PKD1L1: variants seen among roughly 807,000 people sequenced by gnomAD.
PKD1L1 encodes polycystin-1-like protein 1.
A neutral mutation model predicts 323.4 loss-of-function variants in PKD1L1; 236 were observed. The observed-to-expected ratio is 0.73, with a 90% CI of 0.66 to 0.81. The LOEUF (loss-of-function observed/expected upper bound fraction) is 0.81, where lower values mean the gene tolerates loss of function less well. Ranked by LOEUF, PKD1L1 falls within the 40% of genes least tolerant of loss-of-function variation. PKD1L1 has a pLI of 0.00. For synonymous variants in PKD1L1, 1,344 were observed against 1,335.0 expected (o/e 1.01, Z -0.15); for missense variants, 3,320 against 3,508.0 (o/e 0.95, Z 1.35).
chr7:47,943,341 G>A (rs970936336), intron 2 of PKD1L1, 55 bp downstream of exon 2: 1 of 1,395,382 alleles, frequency 7.2e-7, no homozygotes, highest in Non-Finnish European at 1.0e-6. Flanking sequence ...TTATACCAGG[G>A]AAATAAAGCA....
At chr7:47,902,321 C>T in intron 13 of PKD1L1, 58 bp downstream of exon 13, 3 of 1,594,054 alleles carry the variant, frequency 1.9e-6, no homozygotes, top group Non-Finnish European at 2.6e-6. Flanking sequence ...ACAGTGGTCC[C>T]AACTCAGAGG....
intron 45 of PKD1L1, among the ~76,000 whole-genome samples, chr7:47,825,394 G>C (rs544441195): frequency 6.6e-6 from 1 of 152,124 alleles, no homozygotes; most frequent in East Asian, 1.9e-4. Flanking sequence ...AGCCGGGCAT[G>C]GTGGCACATG....
At chr7:47,948,349 ACT>A in intron 1 of PKD1L1, 46 bp downstream of exon 1, 4 of 1,606,752 alleles carry the variant, frequency 2.5e-6, no homozygotes, top group Non-Finnish European at 3.4e-6. Context: ...CTGAATGCAT[ACT>A]TTAAAATCAA....
At position 47,846,868 on chromosome 7, in the gene PKD1L1, T is replaced by C. The variant is rs377648811; in HGVS notation, c.5153+11A>G. 10 of 1,587,132 alleles carry C rather than the reference T, an allele frequency of 6.3e-6. No homozygotes were observed. In the African/African-American group the frequency reaches 1.2e-4, roughly 19 times the overall value. On this transcript the variant is annotated intron_variant, in intron 32 of 56. Coordinates refer to ENST00000289672, the MANE Select transcript of PKD1L1 (RefSeq NM_138295.5). The stretch of plus-strand genomic sequence containing the variant: ...TAAAAATCTCAGATTCTTTCTCAAA[T>C]GTGTCTATACCTGCAGTTCACTTTT...
intron 19 of PKD1L1, among the ~76,000 whole-genome samples, chr7:47,882,305 C>T (rs1378496017): frequency 4.9e-5 from 7 of 143,130 alleles, no homozygotes; most frequent in South Asian, 4.5e-4. Context: ...TCCCTCCCTC[C>T]CTTCCTATCT....
chr7:47,836,826 C>T lies in PKD1L1; in HGVS notation c.5943+95G>A, dbSNP rs1489977295. The T allele has an allele frequency of 6.4e-6, 9 of 1,411,098 alleles. No homozygotes were observed. In the Admixed American group the frequency reaches 6.9e-5, roughly 11 times the overall value. The allele number at this position is 1,411,098 out of a possible 1,614,324, so 87.4% of individuals were successfully genotyped here. The stretch of plus-strand genomic sequence containing the variant: ...TGCTTCCCCTGGTTTAAACTTTTCT[C>T]GGAGAACTGTGAGCTTTGTTGATTT... On this transcript the variant is annotated intron_variant, in intron 37 of 56. Transcript: ENST00000289672.
At chr7:47,821,416 G>A (rs961916160) in intron 45 of PKD1L1, among the ~76,000 whole-genome samples, 1 of 151,114 alleles carries the variant, frequency 6.6e-6, no homozygotes, top group Non-Finnish European at 1.5e-5. Context: ...CTACAGGCAC[G>A]TGCCACCACG....
rs4724657 is a variant in PKD1L1, at chr7:47,876,319, A to G, written c.3664-102T>C. ...GCTGAGCCTTCATTGTACCAAGGACATTCTTTACAGCCAGGAAGAGGGTAA... is the reference window on the plus strand; with the variant it reads ...GCTGAGCCTTCATTGTACCAAGGACGTTCTTTACAGCCAGGAAGAGGGTAA... On this transcript the variant is annotated intron_variant, in intron 22 of 56. Transcript: ENST00000289672. 396,073 of 1,340,696 alleles carry G rather than the reference A, an allele frequency of 0.3. 63,034 individuals carry two copies. Among genetic ancestry groups the G allele is most frequent in the African/African-American group, 0.57 (39,345 of 68,818 alleles). 83.0% of individuals were successfully genotyped at this position (1,340,696 alleles called of 1,614,324 possible). A position where few individuals can be genotyped will look rare whatever the true frequency, so the allele number is the denominator to read the frequency against.
intron 26 of PKD1L1, among the ~76,000 whole-genome samples, chr7:47,861,621 G>A (rs1296774848): frequency 2.0e-5 from 3 of 152,048 alleles, no homozygotes; most frequent in Non-Finnish European, 2.9e-5. Flanking sequence ...GGTGGCTCAC[G>A]CCTGTAATCC....
rs1408020670 is a variant in PKD1L1 at position 47,887,987 on chromosome 7, T to C, written c.2836+3A>G. 6.2e-7 allele frequency: 1 copy of C among 1,603,644 alleles called. No homozygotes were observed. The highest frequency in any genetic ancestry group is 1.7e-5 in the Admixed American group (1 of 57,482). On this transcript the variant is annotated splice_donor_region_variant and intron_variant, in intron 17 of 56. Transcript: ENST00000289672. ...ACAAAATAAAGCTATTAATCCTTTT[T>C]ACCTTCTATCCTATTCTTTTCTGTT...
intron 7 of PKD1L1, among the ~76,000 whole-genome samples, chr7:47,924,610 C>A (rs186949989): frequency 1.0e-3 from 156 of 152,306 alleles, no homozygotes; most frequent in African/African-American, 3.7e-3. Context: ...ATAATTTTAA[C>A]CTTGCCTTAT....
At chr7:47,828,203 C>A (rs765994077) in intron 44 of PKD1L1, among the ~76,000 whole-genome samples, 66 of 152,064 alleles carry the variant, frequency 4.3e-4, no homozygotes, top group Non-Finnish European at 7.8e-4. Flanking sequence ...TAGGGGGGCA[C>A]CCCAACTCTA....
In PKD1L1 at chr7:47,839,596, T is replaced by C. The variant is rs1359074294; in HGVS notation, c.5619A>G (p.Pro1873=). Residue 1873 remains proline, a synonymous_variant, in exon 36 of 57, where the codon CCA becomes CCG. Coordinates refer to ENST00000289672, the MANE Select transcript of PKD1L1 (RefSeq NM_138295.5). This position sits in a 1 kb window ranked among gnomAD's most constrained non-coding sequence, Gnocchi z 4.3. The part of the protein sequence containing the change: ...RLWHDSRGPS[P]GWFISHVMVK... The stretch of plus-strand genomic sequence containing the variant: ...CCATCACGTGGCTGATGAACCAGCC[T>C]GGGGAAGGCCCACGGCTGTCGTGCC... 1.3e-6 allele frequency: 2 copies of C among 1,599,036 alleles called. No individual in the cohort carries two copies.
intron 52 of PKD1L1, among the ~76,000 whole-genome samples, chr7:47,804,949 G>T (rs1163052503): frequency 2.0e-5 from 3 of 152,178 alleles, no homozygotes; most frequent in African/African-American, 7.2e-5. Flanking sequence ...GAGTGGAAGG[G>T]CCGCTTTCTT....
chr7:47,957,862 A>AAAATATATATATATATATATATATATAT, the PKD1L1 span, among the ~76,000 whole-genome samples: 1 of 134,698 alleles, frequency 7.4e-6, no homozygotes, highest in South Asian at 2.3e-4. Flanking sequence ...ATTAAAAAAA[A>AAAATATATATATATATATATATATATAT]ATATATATAT....
intron 56 of PKD1L1, among the ~76,000 whole-genome samples, chr7:47,776,619 A>C (rs1043427693): frequency 6.6e-6 from 1 of 152,214 alleles, no homozygotes; most frequent in Non-Finnish European, 1.5e-5. Flanking sequence ...TATTTGGTAA[A>C]TATTATAGGA....
At chr7:47,869,594 G>A (rs940115112) in intron 24 of PKD1L1, among the ~76,000 whole-genome samples, 2 of 152,072 alleles carry the variant, frequency 1.3e-5, no homozygotes, top group Non-Finnish European at 2.9e-5. Context: ...CCTAACAACA[G>A]GTTCCATATA....
intron 56 of PKD1L1, among the ~76,000 whole-genome samples, chr7:47,792,076 T>C (rs1786962875): frequency 6.6e-6 from 1 of 152,232 alleles, no homozygotes; most frequent in African/African-American, 2.4e-5. Flanking sequence ...TTCAGTCCTA[T>C]GTCCCAGGAA....
Position 47,940,208 on chromosome 7 carries a change from T to C in PKD1L1, c.270A>G (p.Ser90=). 6.2e-7 allele frequency: 1 copy of C among 1,614,182 alleles called. No homozygotes were observed. Among genetic ancestry groups the C allele is most frequent in the African/African-American group, 1.3e-5 (1 of 75,038 alleles). ...CCAGGAATACCTTCTGCCTGGAAGC[T>C]GATGAGGATGGGCTCTGTGATTCCC... ...EDRESQSPSS[S]ASRQKNIWKT... is the part of the protein sequence containing the mutation. Residue 90 remains serine, a synonymous_variant, in exon 3 of 57, where the codon TCA becomes TCG. Transcript: ENST00000289672.
Sources: allele counts gnomAD v4.1 joint callset (sites outside exome capture counted in the v4.1 genomes callset), GRCh38; gene constraint gnomAD v4.1.1; non-coding constraint Gnocchi (gnomAD v3.1); transcripts MANE v1.5; gene names NCBI Gene and HGNC (gene_info 2026-07-23, HGNC 2026-07-21).